TCF12: variants seen among roughly 807,000 people sequenced by gnomAD.
TCF12 encodes the protein transcription factor 12, also known as DNA-binding protein HTF4.
In TCF12, 45 loss-of-function variants were observed where a neutral mutation model predicts 86.0. That is an observed-to-expected ratio of 0.52 (90% CI 0.41 to 0.67). The LOEUF (loss-of-function observed/expected upper bound fraction) is 0.67. Among genes scored for constraint, TCF12 ranks in the 30% least tolerant of loss-of-function variants. The pLI, the probability that TCF12 is intolerant of heterozygous loss-of-function variation, is 0.00. For missense variants in TCF12, 881 were observed against 859.9 expected, an observed-to-expected ratio of 1.02 and a Z score of -0.31; for synonymous variants, 330 against 299.6, an observed-to-expected ratio of 1.10 and a Z score of -1.05.
chr15:57,219,288 G>A, intron 8 of TCF12: 1 of 1,207,264 alleles, frequency 8.3e-7, no homozygotes, highest in Non-Finnish European at 1.0e-6. Context: ...TTGTCTTATT[G>A]GTATCCTCCA....
chr15:57,237,230 A>G (rs1242669909), intron 12 of TCF12, among the ~76,000 whole-genome samples: 2 of 152,102 alleles, frequency 1.3e-5, no homozygotes, highest in African/African-American at 4.8e-5. Context: ...AAAAGAAAAG[A>G]AAATTCAGGG....
chr15:57,160,141 C>G (rs1406379111), intron 5 of TCF12, among the ~76,000 whole-genome samples: 5 of 152,122 alleles, frequency 3.3e-5, no homozygotes, highest in African/African-American at 9.7e-5. Flanking sequence ...TGGATTGTGG[C>G]TAATCTGCTC....
chr15:57,013,298 G>A (rs1270074056), intron 3 of TCF12, among the ~76,000 whole-genome samples: 3 of 152,252 alleles, frequency 2.0e-5, no homozygotes, highest in African/African-American at 7.2e-5. Flanking sequence ...TGACAAGCAG[G>A]TATTGCCACA....
chr15:57,200,045 CTTTT>C (rs11380359), intron 8 of TCF12, among the ~76,000 whole-genome samples: 5 of 130,182 alleles, frequency 3.8e-5, no homozygotes, highest in African/African-American at 1.4e-4. Flanking sequence ...CCACGGCTGG[CTTTT>C]TTTTTTTTTT....
chr15:57,196,984 G>GCT (rs2057296569), intron 7 of TCF12, among the ~76,000 whole-genome samples: 1 of 151,720 alleles, frequency 6.6e-6, no homozygotes, highest in Admixed American at 6.6e-5. Context: ...CATAGCATTA[G>GCT]CTCTCAGTTT....
At chr15:57,200,691 T>G (rs12442521) in intron 8 of TCF12, among the ~76,000 whole-genome samples, 6,158 of 152,330 alleles carry the variant, frequency 0.04, 376 homozygotes, top group Admixed American at 0.17. Flanking sequence ...ATTGATAATC[T>G]GTATAATTTG....
chr15:56,929,604 C>G (rs1001673714), intron 3 of TCF12, among the ~76,000 whole-genome samples: 1 of 151,946 alleles, frequency 6.6e-6, no homozygotes, highest in African/African-American at 2.4e-5. Flanking sequence ...ACCTAAAGAT[C>G]ACATTTAAAG....
chr15:57,117,644 A>G (rs79275438), intron 5 of TCF12, among the ~76,000 whole-genome samples: 6,914 of 152,270 alleles, frequency 0.045, 445 homozygotes, highest in African/African-American at 0.15. Flanking sequence ...ATTAAAGGAC[A>G]TACTTGATGC....
At chr15:56,958,674 AGAGAGTGT>A (rs1411658068) in intron 3 of TCF12, among the ~76,000 whole-genome samples, 289 of 64,562 alleles carry the variant, frequency 4.5e-3, no homozygotes, top group African/African-American at 0.013. Context: ...AGAGAGAGAG[AGAGAGTGT>A]GTGTGTGTGT....
intron 3 of TCF12, among the ~76,000 whole-genome samples, chr15:56,936,904 A>T (rs1258673719): frequency 6.6e-6 from 1 of 152,120 alleles, no homozygotes; most frequent in Admixed American, 6.6e-5. Flanking sequence ...AAGTCAGGTA[A>T]TGTGATGCCA....
intron 3 of TCF12, among the ~76,000 whole-genome samples, chr15:56,940,872 C>T (rs568215834): frequency 1.3e-5 from 2 of 150,462 alleles, no homozygotes; most frequent in South Asian, 2.1e-4. Flanking sequence ...TTGCCTGCCT[C>T]GGCCTCCTGA....
intron 4 of TCF12, among the ~76,000 whole-genome samples, chr15:57,072,259 T>C (rs1160275449): frequency 6.6e-6 from 1 of 152,176 alleles, no homozygotes; most frequent in Non-Finnish European, 1.5e-5. Flanking sequence ...TATAAAATCA[T>C]GTAGACTCAC....
intron 3 of TCF12, among the ~76,000 whole-genome samples, chr15:57,017,323 TAAG>T (rs1181719461): frequency 2.0e-5 from 3 of 152,230 alleles, no homozygotes; most frequent in African/African-American, 7.2e-5. Context: ...CTAGCTGACT[TAAG>T]GAGAGTCACA....
chr15:57,251,849 T>C (rs78938427), intron 14 of TCF12, among the ~76,000 whole-genome samples: 7,719 of 152,300 alleles, frequency 0.051, 555 homozygotes, highest in African/African-American at 0.16. Context: ...ATTAAAAATT[T>C]TAAGTGAATA....
intron 3 of TCF12, among the ~76,000 whole-genome samples, chr15:57,026,232 T>C (rs141990994): frequency 0.011 from 1,714 of 152,332 alleles, 15 homozygotes; most frequent in Admixed American, 0.018. Context: ...CAAAACCTTA[T>C]TTGTAAAAAC....
At chr15:57,229,626 CTG>C (rs2059040155) in intron 8 of TCF12, among the ~76,000 whole-genome samples, 2 of 151,872 alleles carry the variant, frequency 1.3e-5, no homozygotes, top group African/African-American at 4.8e-5. Context: ...TAGACGAAAA[CTG>C]TAATGAACAG....
chr15:56,985,274 C>T (rs1214822083), intron 3 of TCF12, among the ~76,000 whole-genome samples: 1 of 152,058 alleles, frequency 6.6e-6, no homozygotes. Flanking sequence ...AGGAAGTGAG[C>T]CTAGACATTG....
At chr15:57,081,038 T>C (rs12900589) in intron 4 of TCF12, among the ~76,000 whole-genome samples, 72,050 of 152,052 alleles carry the variant, frequency 0.47, 18,865 homozygotes, top group Non-Finnish European at 0.57. Flanking sequence ...CCATTTTGTT[T>C]GTGGCTTCAT....
chr15:57,109,443 G>T (rs1567440767), intron 5 of TCF12: 2 of 152,132 alleles, frequency 1.3e-5, no homozygotes, highest in Admixed American at 6.5e-5. Flanking sequence ...TTGTAAATAG[G>T]ATATCAATTT....
Sources: gnomAD v4.1 joint callset for allele counts (sites outside exome capture counted in the v4.1 genomes callset) on GRCh38, gnomAD v4.1.1 for gene constraint, MANE v1.5 for transcripts, NCBI Gene and HGNC (gene_info 2026-07-23, HGNC 2026-07-21) for gene names.